Variants in SH3RF1 observed in about 807,000 individuals in gnomAD.
SH3RF1 encodes SH3 domain containing ring finger 1.
SH3RF1 carries 32 observed loss-of-function variants against 74.0 expected under a neutral mutation model. That is an observed-to-expected ratio of 0.43 (90% CI 0.33 to 0.58). The LOEUF (loss-of-function observed/expected upper bound fraction) is 0.58, where lower values mean the gene tolerates loss of function less well. SH3RF1 is among the 20% of genes least tolerant of loss of function. The probability of loss-of-function intolerance (pLI) is 0.05; values close to 1 mark genes in which losing one functional copy is unlikely to be tolerated. For missense variants in SH3RF1, 954 were observed against 1,130.9 expected (o/e 0.84, Z 2.24); for synonymous variants, 396 against 439.6 (o/e 0.90, Z 1.24).
intron 2 of SH3RF1, among the ~76,000 whole-genome samples, chr4:169,215,524 A>G (rs1402507115): frequency 2.6e-5 from 4 of 152,152 alleles, no homozygotes; most frequent in Non-Finnish European, 4.4e-5. Flanking sequence ...GAGTTGGTAT[A>G]ATTTCTTCCT....
chr4:169,203,344 A>G (rs1361385171), intron 2 of SH3RF1, among the ~76,000 whole-genome samples: 1 of 152,144 alleles, frequency 6.6e-6, no homozygotes, highest in African/African-American at 2.4e-5. Flanking sequence ...TGAATCCAGG[A>G]GTTCCAGACC....
At chr4:169,102,295 A>G (rs147669754) in intron 11 of SH3RF1, among the ~76,000 whole-genome samples, 285 of 152,330 alleles carry the variant, frequency 1.9e-3, no homozygotes, top group African/African-American at 6.3e-3. Flanking sequence ...GAAATTAATC[A>G]TGCTGGTTAA....
intron 2 of SH3RF1, among the ~76,000 whole-genome samples, chr4:169,237,395 C>T (rs1246125410): frequency 6.6e-6 from 1 of 152,190 alleles, no homozygotes; most frequent in African/African-American, 2.4e-5. Flanking sequence ...AATCACAACA[C>T]TTCGGGAGGT....
At chr4:169,218,036 TCC>T (rs1730494446) in intron 2 of SH3RF1, among the ~76,000 whole-genome samples, 1 of 151,570 alleles carries the variant, frequency 6.6e-6, no homozygotes, top group Non-Finnish European at 1.5e-5. Flanking sequence ...AATGCTATTA[TCC>T]CTATGGGGAA....
intron 1 of SH3RF1, chr4:169,269,861 A>G (rs1451144218): frequency 6.6e-6 from 1 of 152,226 alleles, no homozygotes; most frequent in Non-Finnish European, 1.5e-5. Flanking sequence ...TGCCCAACCA[A>G]AAAGAGCTGA....
chr4:169,249,382 A>C (rs1053635902), intron 2 of SH3RF1, among the ~76,000 whole-genome samples: 1 of 152,248 alleles, frequency 6.6e-6, no homozygotes, highest in Non-Finnish European at 1.5e-5. Context: ...TCCCCTCCAG[A>C]GGAACCATCT....
At chr4:169,252,750 A>C (rs934520267) in intron 2 of SH3RF1, among the ~76,000 whole-genome samples, 6 of 152,258 alleles carry the variant, frequency 3.9e-5, no homozygotes, top group African/African-American at 1.4e-4. Flanking sequence ...GGACTGACGT[A>C]TTCATAAGCA....
chr4:169,136,571 G>C lies in SH3RF1; in HGVS notation c.815C>G (p.Pro272Arg). ...QLIEWDKPPV[P>R]GVDAGECSSA... is the part of the protein sequence containing the mutation. ...GGAACATTCTCCAGCATCAACTCCT[G>C]GCACAGGAGGCTTATCCCATTCTAT... The change falls in exon 5 of 12, where the codon CCA becomes CGA. Residue 272 changes from proline (P) to arginine (R), a missense_variant. Pro to Arg is a moderately radical substitution (Grantham distance 103). Transcript: ENST00000284637. 2 of 1,593,396 alleles carry C rather than the reference G, an allele frequency of 1.3e-6. No individual in the cohort carries two copies. The highest frequency in any genetic ancestry group is 1.7e-6 in the Non-Finnish European group (2 of 1,170,770).
intron 2 of SH3RF1, among the ~76,000 whole-genome samples, chr4:169,220,647 A>G (rs77170321): frequency 0.018 from 2,704 of 152,228 alleles, 77 homozygotes; most frequent in African/African-American, 0.062. Flanking sequence ...CCCAGCTCCA[A>G]TGGGATTAGC....
intron 2 of SH3RF1, among the ~76,000 whole-genome samples, chr4:169,206,333 C>T (rs1579137403): frequency 2.0e-5 from 3 of 152,260 alleles, no homozygotes; most frequent in Admixed American, 1.3e-4. Context: ...TAGTGACCCA[C>T]GCCCACCTAG....
chr4:169,242,403 G>A (rs193299025), intron 2 of SH3RF1, among the ~76,000 whole-genome samples: 77 of 152,240 alleles, frequency 5.1e-4, no homozygotes, highest in Middle Eastern at 6.8e-3. Context: ...AAAGAGATTT[G>A]AAATATTAAA....
intron 2 of SH3RF1, chr4:169,220,067 A>T (rs1730538737): frequency 6.6e-6 from 1 of 152,126 alleles, no homozygotes; most frequent in Non-Finnish European, 1.5e-5. Context: ...AGAAATACCA[A>T]AATTGTTTCC....
intron 2 of SH3RF1, among the ~76,000 whole-genome samples, chr4:169,250,629 G>A (rs1047233161): frequency 6.6e-5 from 10 of 152,284 alleles, no homozygotes; most frequent in Admixed American, 3.3e-4. Flanking sequence ...GATACAGACA[G>A]GAATAAATTT....
intron 2 of SH3RF1, among the ~76,000 whole-genome samples, chr4:169,164,454 T>A (rs1734199592): frequency 6.6e-6 from 1 of 152,204 alleles, no homozygotes; most frequent in Non-Finnish European, 1.5e-5. Context: ...GAACTCCTCA[T>A]GAATGGTAGA....
At chr4:169,117,920 T>C in intron 8 of SH3RF1, 138 bp from the exon 9 acceptor site, 1 of 1,153,488 alleles carries the variant, frequency 8.7e-7, no homozygotes. Flanking sequence ...TTTATAAAGT[T>C]TAAGAATAGA....
At chr4:169,223,514 T>G (rs1185826171) in intron 2 of SH3RF1, among the ~76,000 whole-genome samples, 1 of 152,146 alleles carries the variant, frequency 6.6e-6, no homozygotes, top group Non-Finnish European at 1.5e-5. Flanking sequence ...GCTCACTCAT[T>G]CAGACAACGA....
At chr4:169,205,353 G>T (rs1730237144) in intron 2 of SH3RF1, among the ~76,000 whole-genome samples, 1 of 152,194 alleles carries the variant, frequency 6.6e-6, no homozygotes, top group South Asian at 2.1e-4. Flanking sequence ...GAAATGACTT[G>T]TCAGATTTCT....
intron 2 of SH3RF1, among the ~76,000 whole-genome samples, chr4:169,255,484 C>G (rs1330687934): frequency 2.0e-5 from 3 of 151,716 alleles, no homozygotes; most frequent in Admixed American, 2.0e-4. Flanking sequence ...ACTACTTAAG[C>G]CACATAATCT....
chr4:169,256,841 G>A (rs753433387), intron 2 of SH3RF1, among the ~76,000 whole-genome samples: 5 of 152,168 alleles, frequency 3.3e-5, no homozygotes, highest in Admixed American at 6.5e-5. Flanking sequence ...GGCCACAACT[G>A]ATCCTCCCAC....
Sources: gnomAD v4.1 joint callset for allele counts (sites outside exome capture counted in the v4.1 genomes callset) on GRCh38, gnomAD v4.1.1 for gene constraint, MANE v1.5 for transcripts, NCBI Gene and HGNC (gene_info 2026-07-23, HGNC 2026-07-21) for gene names.